The following PTPRD variants were observed in gnomAD, a reference collection of about 807,000 sequenced individuals.
PTPRD encodes the protein receptor-type tyrosine-protein phosphatase delta.
Under a neutral mutation model 214.5 loss-of-function variants are expected in PTPRD, and 34 were observed. That is an observed-to-expected ratio of 0.16 (90% confidence interval 0.12 to 0.21). PTPRD has a LOEUF of 0.21. Ranked by LOEUF, PTPRD falls within the 10% of genes least tolerant of loss-of-function variation. PTPRD has a pLI of 1.00. For missense variants in PTPRD, 2,545 were observed against 2,398.7 expected, an observed-to-expected ratio of 1.06 and a Z score of -1.27; for synonymous variants, 1,128 against 845.7, an observed-to-expected ratio of 1.33 and a Z score of -5.79.
intron 4 of PTPRD, among the ~76,000 whole-genome samples, chr9:9,988,846 C>A (rs2095810093): frequency 6.6e-6 from 1 of 151,578 alleles, no homozygotes; most frequent in Non-Finnish European, 1.5e-5. Flanking sequence ...TAAGGGATAT[C>A]TTTTAATCTA....
At chr9:9,851,717 C>A (rs1198266746) in intron 5 of PTPRD, among the ~76,000 whole-genome samples, 5 of 152,136 alleles carry the variant, frequency 3.3e-5, no homozygotes, top group Non-Finnish European at 2.9e-5. Flanking sequence ...GAGGTAAAGG[C>A]TACAGTTAGC....
chr9:10,588,093 A>C (rs2074388984), intron 2 of PTPRD, among the ~76,000 whole-genome samples: 1 of 152,098 alleles, frequency 6.6e-6, no homozygotes, highest in African/African-American at 2.4e-5. Flanking sequence ...GAAAGGGAAT[A>C]AGATGACTGA....
chr9:9,038,430 T>A (rs324519), intron 10 of PTPRD, among the ~76,000 whole-genome samples: 1 of 151,966 alleles, frequency 6.6e-6, no homozygotes, highest in East Asian at 1.9e-4. Context: ...CAGAGGCTGA[T>A]AATACTGAAC....
At chr9:8,828,278 G>C (rs934885024) in intron 11 of PTPRD, among the ~76,000 whole-genome samples, 4 of 152,230 alleles carry the variant, frequency 2.6e-5, no homozygotes, top group African/African-American at 7.2e-5. Flanking sequence ...TACTCAATGT[G>C]ATGGTATTAG....
At chr9:9,951,818 T>G (rs186367575) in intron 4 of PTPRD, among the ~76,000 whole-genome samples, 1 of 152,318 alleles carries the variant, frequency 6.6e-6, no homozygotes, top group East Asian at 1.9e-4. Context: ...CAAGATTACA[T>G]ATGTAGCAGT....
intron 39 of PTPRD, among the ~76,000 whole-genome samples, chr9:8,358,630 A>G (rs1329427896): frequency 2.0e-5 from 3 of 152,138 alleles, no homozygotes; most frequent in African/African-American, 4.8e-5. Context: ...TTCTTGATCA[A>G]TGTTAATTTC....
intron 11 of PTPRD, among the ~76,000 whole-genome samples, chr9:8,749,029 C>A (rs997967287): frequency 2.6e-5 from 4 of 152,042 alleles, no homozygotes; most frequent in African/African-American, 9.7e-5. Context: ...ATATTATATA[C>A]ATTTACTATG....
intron 5 of PTPRD, among the ~76,000 whole-genome samples, chr9:9,821,935 T>C (rs558787128): frequency 1.6e-3 from 239 of 148,428 alleles, no homozygotes; most frequent in African/African-American, 5.7e-3. Flanking sequence ...TTATAATATT[T>C]ATATATATTT....
intron 10 of PTPRD, among the ~76,000 whole-genome samples, chr9:9,110,196 G>C (rs1393064031): frequency 2.6e-5 from 4 of 152,078 alleles, no homozygotes; most frequent in African/African-American, 9.7e-5. Context: ...TCAAGATTTT[G>C]CTTGGTTCTC....
chr9:9,446,381 A>G (rs138931582), intron 8 of PTPRD, among the ~76,000 whole-genome samples: 1,702 of 152,280 alleles, frequency 0.011, 21 homozygotes, highest in South Asian at 0.023. Flanking sequence ...TCTACTTAAT[A>G]TACCTGTGAG....
At chr9:10,505,896 A>T (rs7040438) in intron 2 of PTPRD, among the ~76,000 whole-genome samples, 4,738 of 152,246 alleles carry the variant, frequency 0.031, 201 homozygotes, top group African/African-American at 0.1. Flanking sequence ...ATATCAATAC[A>T]TAAGCAGAAA....
At chr9:9,747,223 G>C (rs2098466837) in intron 6 of PTPRD, among the ~76,000 whole-genome samples, 1 of 148,364 alleles carries the variant, frequency 6.7e-6, no homozygotes, top group African/African-American at 2.5e-5. Flanking sequence ...GACCACCTGG[G>C]GATGCACATT....
At chr9:8,396,165 A>T (rs2091112222) in intron 36 of PTPRD, among the ~76,000 whole-genome samples, 1 of 152,152 alleles carries the variant, frequency 6.6e-6, no homozygotes, top group Admixed American at 6.6e-5. Flanking sequence ...ATAATCAAAA[A>T]GTCCTGGAAC....
At chr9:8,868,638 T>C (rs1425399906) in intron 11 of PTPRD, among the ~76,000 whole-genome samples, 1 of 152,216 alleles carries the variant, frequency 6.6e-6, no homozygotes, top group Non-Finnish European at 1.5e-5. Flanking sequence ...TTTCTTTTTT[T>C]TCTCCCAGCT....
intron 2 of PTPRD, among the ~76,000 whole-genome samples, chr9:10,397,378 C>T (rs2098191324): frequency 6.6e-6 from 1 of 152,012 alleles, no homozygotes; most frequent in Non-Finnish European, 1.5e-5. Context: ...AAGTGCTGTA[C>T]TTGTTACCTA....
chr9:9,177,066 T>C (rs570987028), intron 10 of PTPRD, among the ~76,000 whole-genome samples: 69 of 152,224 alleles, frequency 4.5e-4, no homozygotes, highest in African/African-American at 1.5e-3. Flanking sequence ...GGGTAATTTA[T>C]AAAGAAAAGA....
chr9:10,286,628 T>A (rs2095363602), intron 3 of PTPRD, among the ~76,000 whole-genome samples: 1 of 152,076 alleles, frequency 6.6e-6, no homozygotes, highest in South Asian at 2.1e-4. Context: ...GACAGAGTAT[T>A]GCACTCTCTC....
Position 9,831,089 on chromosome 9 carries a change from C to G in PTPRD, c.-367-64238G>C, listed in dbSNP as rs904243403. Among the ~76,000 whole-genome samples, 4 of 151,714 alleles carry G rather than the reference C, an allele frequency of 2.6e-5. No individual in the cohort carries two copies. In the Admixed American group the frequency reaches 2.6e-4, roughly 10 times the overall value. On this transcript the variant is annotated intron_variant, in intron 5 of 45. Coordinates refer to ENST00000381196, the MANE Select transcript of PTPRD (RefSeq NM_002839.4). The stretch of plus-strand genomic sequence containing the variant: ...CTTATTTATTATAGCCTATGGTCAC[C>G]CAGTAGAAGCAAAGCTTCAGGGTGT...
chr9:10,005,676 C>G (rs1251384794), intron 4 of PTPRD, among the ~76,000 whole-genome samples: 1 of 151,954 alleles, frequency 6.6e-6, no homozygotes, highest in African/African-American at 2.4e-5. Context: ...CTATCTTGTC[C>G]CTCTGGCATG....
Sources: gnomAD v4.1 joint callset for allele counts (sites outside exome capture counted in the v4.1 genomes callset) on GRCh38, gnomAD v4.1.1 for gene constraint, MANE v1.5 for transcripts, NCBI Gene and HGNC (gene_info 2026-07-23, HGNC 2026-07-21) for gene names.